The following TRHDE variants were observed in gnomAD, a reference collection of about 807,000 sequenced individuals.
TRHDE encodes thyrotropin releasing hormone degrading enzyme, also known as thyrotropin-releasing hormone-degrading ectoenzyme.
In TRHDE, 72 loss-of-function variants were observed where a neutral mutation model predicts 125.7. The ratio of observed to expected loss-of-function variants is 0.57; its 90% CI spans 0.47 to 0.70. The LOEUF (loss-of-function observed/expected upper bound fraction) is 0.70, where lower values mean the gene tolerates loss of function less well. TRHDE is among the 30% of genes least tolerant of loss of function. The probability of loss-of-function intolerance (pLI) is 0.00; values close to 1 mark genes in which losing one functional copy is unlikely to be tolerated. For missense variants in TRHDE, 1,110 were observed against 1,327.1 expected (o/e 0.84, Z 2.54); for synonymous variants, 509 against 509.1 (o/e 1.00, Z 0.00).
intron 12 of TRHDE, among the ~76,000 whole-genome samples, chr12:72,600,724 T>C (rs142712891): frequency 2.0e-5 from 3 of 152,086 alleles, no homozygotes; most frequent in Admixed American, 6.6e-5. Context: ...TAAATTTACT[T>C]TTCCTGTGCT....
chr12:72,456,760 C>A (rs904044761), intron 3 of TRHDE, among the ~76,000 whole-genome samples: 1 of 152,010 alleles, frequency 6.6e-6, no homozygotes, highest in Admixed American at 6.6e-5. Flanking sequence ...TTATAAAATA[C>A]AATTTAGGAG....
At chr12:72,593,464 A>T (rs2136050069) in intron 12 of TRHDE, among the ~76,000 whole-genome samples, 1 of 152,196 alleles carries the variant, frequency 6.6e-6, no homozygotes, top group East Asian at 1.9e-4. Context: ...GCTCATTGGG[A>T]CAATAATGAA....
At chr12:72,427,594 C>T (rs956834784) in intron 3 of TRHDE, among the ~76,000 whole-genome samples, 3 of 152,100 alleles carry the variant, frequency 2.0e-5, no homozygotes, top group African/African-American at 7.2e-5. Flanking sequence ...GGATATTTTA[C>T]ACTCTTTCTC....
In TRHDE at chr12:72,201,454, A is replaced by G. The variant is rs111521281; in HGVS notation, n.279+95702A>G. Among the ~76,000 whole-genome samples, 350 of 152,300 alleles carry G rather than the reference A, an allele frequency of 2.3e-3. 2 individuals carry two copies. The highest frequency in any genetic ancestry group is 7.8e-3 in the African/African-American group (326 of 41,560). On this transcript the variant is annotated intron_variant and non_coding_transcript_variant, in intron 2 of 4. Transcript: ENST00000548156. ...TTTAGCCTAACTCTGTTAAGCTTCT[A>G]GTCAATTTCATGTACTGCCCCTACA...
rs71752741 is a variant in TRHDE at position 72,624,637 on chromosome 12, GA to G, written c.2675+2891del. ...TAGCTAGAGATGGTAGCAGCAGAAA[GA>G]AAAATTCACGAGTTACAGTGGATGA... On this transcript the variant is annotated intron_variant, in intron 15 of 18. Transcript: ENST00000261180. Among the ~76,000 whole-genome samples, 1,224 of 152,004 alleles carry G rather than the reference GA, an allele frequency of 8.1e-3. 17 individuals carry two copies. The highest frequency in any genetic ancestry group is 0.027 in the African/African-American group (1,142 of 41,536).
chr12:72,114,688 G>T (rs1466179256), intron 2 of TRHDE, among the ~76,000 whole-genome samples: 1 of 152,056 alleles, frequency 6.6e-6, no homozygotes, highest in Non-Finnish European at 1.5e-5. Context: ...TCAACTGTGT[G>T]TGCAGTGGTT....
chr12:72,504,094 A>G (rs2135940429), intron 6 of TRHDE, among the ~76,000 whole-genome samples: 1 of 152,296 alleles, frequency 6.6e-6, no homozygotes, highest in Non-Finnish European at 1.5e-5. Context: ...AATATATACA[A>G]GATACAGTCA....
At chr12:72,544,892 A>T (rs975660893) in intron 7 of TRHDE, among the ~76,000 whole-genome samples, 1 of 151,406 alleles carries the variant, frequency 6.6e-6, no homozygotes, top group Non-Finnish European at 1.5e-5. Flanking sequence ...AATTTTTTGT[A>T]ATGTTTTGTA....
chr12:72,293,991 A>G (rs1351490584), intron 2 of TRHDE, among the ~76,000 whole-genome samples: 1 of 152,152 alleles, frequency 6.6e-6, no homozygotes, highest in Non-Finnish European at 1.5e-5. Context: ...TGTCATGGGC[A>G]CTGGACCAGG....
chr12:72,474,974 C>T (rs496118), intron 5 of TRHDE, among the ~76,000 whole-genome samples: 152,132 of 152,312 alleles, frequency 1, 75,976 homozygotes, highest in Non-Finnish European at 1. Flanking sequence ...ACATGACTCA[C>T]TTGCACAAAT....
At chr12:72,542,969 A>G (rs1869228951) in intron 7 of TRHDE, among the ~76,000 whole-genome samples, 1 of 151,346 alleles carries the variant, frequency 6.6e-6, no homozygotes, top group African/African-American at 2.4e-5. Context: ...AAGCAGACAC[A>G]AGTATACTGA....
At chr12:72,472,172 A>AT (rs1164094987) in intron 4 of TRHDE, among the ~76,000 whole-genome samples, 1 of 151,984 alleles carries the variant, frequency 6.6e-6, no homozygotes, top group Non-Finnish European at 1.5e-5. Context: ...TTGCTTATTT[A>AT]TTTTTTTATC....
At chr12:72,605,226 G>A (rs1486564569) in intron 12 of TRHDE, among the ~76,000 whole-genome samples, 1 of 152,072 alleles carries the variant, frequency 6.6e-6, no homozygotes, top group Non-Finnish European at 1.5e-5. Flanking sequence ...ATAGGTGTTA[G>A]ATGATTTCAA....
chr12:72,415,819 A>G (rs909441734), intron 3 of TRHDE, among the ~76,000 whole-genome samples: 40 of 152,214 alleles, frequency 2.6e-4, no homozygotes, highest in Non-Finnish European at 4.7e-4. Flanking sequence ...TACCTTGGCT[A>G]TTGTGCATAG....
chr12:72,122,238 C>T (rs142210220), intron 2 of TRHDE, among the ~76,000 whole-genome samples: 2 of 152,290 alleles, frequency 1.3e-5, no homozygotes, highest in African/African-American at 2.4e-5. Flanking sequence ...AACAGCTTAC[C>T]CAATTGCAAA....
In TRHDE at chr12:72,380,889, C is replaced by T. The variant is rs371150330; in HGVS notation, c.1315+2768C>T. On this transcript the variant is annotated intron_variant, in intron 3 of 18. Coordinates refer to ENST00000261180, the MANE Select transcript of TRHDE (RefSeq NM_013381.3). Reference sequence around the variant, plus strand: ...TCTCTCTCTCTCTTCTTTCTTTCTTCCTTCCTTCCTTCCTTCCTTTCTTGT... The same window carrying T: ...TCTCTCTCTCTCTTCTTTCTTTCTTTCTTCCTTCCTTCCTTCCTTTCTTGT... Among the ~76,000 whole-genome samples, 18 of 146,526 alleles carry T rather than the reference C, an allele frequency of 1.2e-4. No homozygotes were observed. The East Asian group carries it at 1.3e-3, about 10-fold the overall frequency.
intron 1 of TRHDE, among the ~76,000 whole-genome samples, chr12:72,090,803 T>A (rs1205588180): frequency 1.3e-5 from 2 of 151,998 alleles, no homozygotes; most frequent in East Asian, 3.9e-4. Context: ...GGCCTATTGG[T>A]GTGTTGTGCA....
At chr12:72,460,353 T>C (rs1487417063) in intron 3 of TRHDE, among the ~76,000 whole-genome samples, 1 of 152,172 alleles carries the variant, frequency 6.6e-6, no homozygotes, top group African/African-American at 2.4e-5. Flanking sequence ...CCCTGCTCTA[T>C]GCTGTAGCCA....
chr12:72,285,814 G>A (rs776225139), intron 1 of TRHDE, among the ~76,000 whole-genome samples: 2 of 151,992 alleles, frequency 1.3e-5, no homozygotes, highest in African/African-American at 2.4e-5. Context: ...CCACCATGCC[G>A]GGCTGAAGAG....
Sources: allele counts gnomAD v4.1 joint callset (sites outside exome capture counted in the v4.1 genomes callset), GRCh38; gene constraint gnomAD v4.1.1; transcripts MANE v1.5; gene names NCBI Gene and HGNC (gene_info 2026-07-23, HGNC 2026-07-21).